The following DGKH variants were observed in gnomAD, a reference collection of about 807,000 sequenced individuals.
The protein encoded by DGKH is diacylglycerol kinase eta.
In DGKH, 90 loss-of-function variants were observed where a neutral mutation model predicts 159.3. The ratio of observed to expected loss-of-function variants is 0.57; its 90% confidence interval spans 0.48 to 0.67. DGKH has a LOEUF of 0.67. Among genes scored for constraint, DGKH ranks in the 30% least tolerant of loss-of-function variants. DGKH has a pLI of 0.00. For synonymous variants in DGKH, 536 were observed against 553.8 expected (o/e 0.97, Z 0.45); for missense variants, 1,181 against 1,506.1 (o/e 0.78, Z 3.57).
At chr13:42,070,865 T>A in intron 1 of DGKH, 1 of 1,301,178 alleles carries the variant, frequency 7.7e-7, no homozygotes, top group Non-Finnish European at 1.1e-6. Context: ...ACTTTCACAA[T>A]GTTATCATGG....
chr13:42,166,559 GT>G lies in DGKH; in HGVS notation c.1008del (p.Phe336LeufsTer12). 6.3e-7 allele frequency: 1 copy of G among 1,597,992 alleles called. No homozygotes were observed. Among genetic ancestry groups the G allele is most frequent in the Non-Finnish European group, 8.5e-7 (1 of 1,172,674 alleles). ...TTCGTTCTGTGTTAGTCCTCTATTG[GT>G]TTTTGTCAATTCTAAGAGTGGAGAT... ...TFSFCVSPLL[V>X]FVNSKSGDNQ... On this transcript the variant is annotated frameshift_variant, in exon 9 of 30. Coordinates refer to ENST00000337343, the MANE Select transcript of DGKH (RefSeq NM_178009.5). LOFTEE classifies it high-confidence loss of function.
intron 3 of DGKH, among the ~76,000 whole-genome samples, chr13:42,148,868 C>CCTT (rs1178375520): frequency 1.3e-5 from 2 of 152,014 alleles, no homozygotes; most frequent in Non-Finnish European, 2.9e-5. Context: ...CCTTCTCCCT[C>CCTT]CTTGTGGCTT....
intron 1 of DGKH, chr13:42,066,715 C>G (rs1166567089): frequency 6.6e-6 from 1 of 152,180 alleles, no homozygotes; most frequent in African/African-American, 2.4e-5. Flanking sequence ...AACAAGCACC[C>G]TTTCATGACG....
rs1958306697 is a variant in DGKH, at chr13:42,231,948, G to T, written c.*2760G>T. The T allele has an allele frequency of 6.6e-6, 1 of 152,192 alleles. No homozygotes were observed. Among genetic ancestry groups the T allele is most frequent in the African/African-American group, 2.4e-5 (1 of 41,450 alleles). 9.4% of individuals were successfully genotyped at this position (152,192 alleles called of 1,614,324 possible). On this transcript the variant is annotated 3_prime_UTR_variant, in exon 30 of 30. Transcript: ENST00000337343. ...TGGATATACTTTTTGTTAAATGAGA[G>T]CAATTTTCTCTGTATGCTTTGTCTA...
rs1391120510 is a variant in DGKH, at chr13:42,040,495, A to T, written c.-13+369A>T. ...GTGTCCCGGGCCACCCGCCGGGAGG[A>T]GGGGCGGCGGGGGGGAGGGGCGGGT... On this transcript the variant is annotated intron_variant, in intron 1 of 29. Coordinates refer to the DGKH transcript ENST00000379274. Among the ~76,000 whole-genome samples the T allele has an allele frequency of 2.8e-5, 4 of 142,044 alleles. No individual in the cohort carries two copies. In the South Asian group the frequency reaches 9.5e-4, roughly 34 times the overall value. 93.2% of individuals were successfully genotyped at this position (142,044 alleles called of 152,430 possible).
At chr13:42,210,912 T>A in intron 24 of DGKH, 147 bp downstream of exon 24, 1 of 699,832 alleles carries the variant, frequency 1.4e-6, no homozygotes, top group Non-Finnish European at 2.3e-6. Flanking sequence ...CATTATTGTT[T>A]ATTTCTCCAT....
In DGKH at chr13:42,127,533, A is replaced by G. The variant is rs181300382; in HGVS notation, c.263A>G (p.Lys88Arg). 7.0e-5 allele frequency: 113 copies of G among 1,613,860 alleles called. 1 individual carries two copies. The East Asian group carries it at 1.9e-3, about 27-fold the overall frequency. ...SFQRWKKRYF[K>R]LRGRTLYYAK... is the part of the protein sequence containing the mutation. ...CAAAGGTGGAAAAAGCGATACTTCA[A>G]ACTTCGAGGCCGCACCCTTTACTAT... The change falls in exon 2 of 30, where the codon AAA (lysine) becomes AGA (arginine). Residue 88 changes from lysine to arginine, a missense_variant. Lys to Arg is a conservative substitution (Grantham distance 26, BLOSUM62 2). Around this residue, in one of 5 missense-constraint regions of DGKH, gnomAD observed 136 missense variants for 132.2 expected, o/e 1.03. Coordinates refer to ENST00000337343, the MANE Select transcript of DGKH (RefSeq NM_178009.5).
In DGKH at chr13:42,128,837, C is replaced by T. The variant is rs560675188; in HGVS notation, c.304-715C>T. On this transcript the variant is annotated intron_variant, in intron 2 of 29. Coordinates refer to ENST00000337343, the MANE Select transcript of DGKH (RefSeq NM_178009.5). ...TTGGTTGAATTGAAGTAGACTAGTT[C>T]TACAGTCTACTTCAGTTTCAAGTTC... 6.6e-5 allele frequency among the ~76,000 whole-genome samples: 10 copies of T among 152,252 alleles called. No homozygotes were observed. The South Asian group carries it at 1.9e-3, about 28-fold the overall frequency.
intron 1 of DGKH, 104 bp downstream of exon 1, chr13:42,049,069 CGG>C (rs1881029240): frequency 1.0e-4 from 3 of 29,730 alleles, no homozygotes; most frequent in African/African-American, 6.6e-4. Flanking sequence ...GCGGGGAAGG[CGG>C]GGAAGGCGGG....
intron 3 of DGKH, among the ~76,000 whole-genome samples, chr13:42,151,711 T>G (rs751193313): frequency 6.6e-6 from 1 of 151,760 alleles, no homozygotes; most frequent in Non-Finnish European, 1.5e-5. Context: ...GATACTTAGG[T>G]TGATTCCATA....
chr13:42,256,065 AACT>A, intron 30 of DGKH: 1 of 1,327,258 alleles, frequency 7.5e-7, no homozygotes, highest in Non-Finnish European at 1.1e-6. Context: ...GGTCTGGGAG[AACT>A]GATCTTGCCT....
chr13:42,209,623 T>C (rs1957587970), intron 23 of DGKH, among the ~76,000 whole-genome samples, 158 bp downstream of exon 23: 1 of 152,234 alleles, frequency 6.6e-6, no homozygotes, highest in Admixed American at 6.5e-5. Flanking sequence ...TTTATTTCAG[T>C]AGGAGTTTAT....
chr13:42,170,547 T>A (rs1956424928), intron 11 of DGKH, among the ~76,000 whole-genome samples: 1 of 151,748 alleles, frequency 6.6e-6, no homozygotes, highest in Non-Finnish European at 1.5e-5. Context: ...CAAAAGAAAA[T>A]ACACACACAC....
rs772294147 is a variant in DGKH at position 42,210,639 on chromosome 13, A to G, written c.2888A>G (p.Gln963Arg). The G allele has an allele frequency of 1.4e-5, 22 of 1,612,024 alleles. No individual in the cohort carries two copies. Among genetic ancestry groups the G allele is most frequent in the Non-Finnish European group, 1.9e-5 (22 of 1,179,966 alleles). ...ESTLKSWEDK[Q>R]KCDSGKPVLR... ...ACTCTGAAATCTTGGGAAGATAAGCAGAAGTGTGATTCTGGTAAACCAGTT... is the reference window on the plus strand; with the variant it reads ...ACTCTGAAATCTTGGGAAGATAAGCGGAAGTGTGATTCTGGTAAACCAGTT... The change falls in exon 24 of 30, where the codon CAG becomes CGG. Residue 963 changes from glutamine (Q) to arginine (R), a missense_variant. Physicochemically the swap from Gln to Arg is conservative, Grantham distance 43. This residue lies in a region of DGKH where 335 missense variants were observed against 495.2 expected (regional missense o/e 0.68). Transcript: ENST00000337343.
At chr13:42,105,019 A>ATATG (rs34861728) in intron 1 of DGKH, among the ~76,000 whole-genome samples, 95 of 150,556 alleles carry the variant, frequency 6.3e-4, no homozygotes, top group East Asian at 2.9e-3. Context: ...ATGTACATAC[A>ATATG]TATGTATGTA....
chr13:42,198,023 AC>A (rs1462787572), intron 17 of DGKH, among the ~76,000 whole-genome samples: 2 of 152,204 alleles, frequency 1.3e-5, no homozygotes, highest in Non-Finnish European at 2.9e-5. Context: ...CTGAGTTTTC[AC>A]CTTAATACAT....
At chr13:42,047,562 T>TCGCAGCCCCCTCAC (rs1055932920), upstream of DGKH, among the ~76,000 whole-genome samples, 1 of 152,212 alleles carries the variant, frequency 6.6e-6, no homozygotes, top group Non-Finnish European at 1.5e-5. Flanking sequence ...ATGTCTTCTC[T>TCGCAGCCCCCTCAC]CGCAGCCCCC....
chr13:42,131,438 G>A (rs150628263), intron 3 of DGKH, among the ~76,000 whole-genome samples: 124 of 152,302 alleles, frequency 8.1e-4, no homozygotes, highest in African/African-American at 2.9e-3. Flanking sequence ...AGCATTGAAC[G>A]GGAGACAGAA....
chr13:42,122,576 A>G (rs1955096770), intron 1 of DGKH, among the ~76,000 whole-genome samples: 1 of 152,232 alleles, frequency 6.6e-6, no homozygotes, highest in South Asian at 2.1e-4. Flanking sequence ...ATGCAGGCAG[A>G]GCACTCATGA....
Sources: allele counts gnomAD v4.1 joint callset (sites outside exome capture counted in the v4.1 genomes callset), GRCh38; gene constraint gnomAD v4.1.1; regional missense constraint gnomAD v4.1.1; transcripts MANE v1.5; gene names NCBI Gene and HGNC (gene_info 2026-07-23, HGNC 2026-07-21).